Variants in DENR observed in about 807,000 individuals in gnomAD.
DENR encodes the protein density regulated re-initiation and release factor.
DENR carries 6 observed loss-of-function variants against 30.6 expected under a neutral mutation model. That is an observed-to-expected ratio of 0.20 (90% CI 0.11 to 0.39). The LOEUF (loss-of-function observed/expected upper bound fraction) is 0.39, where lower values mean the gene tolerates loss of function less well. Ranked by LOEUF, DENR falls within the 10% of genes least tolerant of loss-of-function variation. DENR has a pLI of 1.00. For synonymous variants in DENR, 78 were observed against 72.1 expected (o/e 1.08, Z -0.41); for missense variants, 141 against 230.9 (o/e 0.61, Z 2.52).
chr12:122,755,649 A>G (rs1260421688), intron 2 of DENR, among the ~76,000 whole-genome samples: 3 of 152,228 alleles, frequency 2.0e-5, no homozygotes, highest in Non-Finnish European at 4.4e-5. Context: ...CTCAGAATAT[A>G]GATTCCTATT....
At chr12:122,761,226 A>G (rs1878691478) in intron 2 of DENR, among the ~76,000 whole-genome samples, 1 of 151,846 alleles carries the variant, frequency 6.6e-6, no homozygotes, top group Non-Finnish European at 1.5e-5. Flanking sequence ...AGTCTGGCCA[A>G]CATGGTGAAA....
chr12:122,769,393 CTTG>C lies in DENR; in HGVS notation c.*318_*320del. Reference sequence around the variant, plus strand: ...ATTTTCACTGTTCTGTACAAGGCTGCTTGTTTTTTTATTGCCAAAGTCAAATAA... The same window carrying C: ...ATTTTCACTGTTCTGTACAAGGCTGCTTTTTTTATTGCCAAAGTCAAATAA... On this transcript the variant is annotated 3_prime_UTR_variant, in exon 8 of 8. Transcript: ENST00000280557. The C allele has an allele frequency of 1.0e-6, 1 of 987,970 alleles. No homozygotes were observed. The highest frequency in any genetic ancestry group is 1.2e-6 in the Non-Finnish European group (1 of 831,744). The allele number at this position is 987,970 out of a possible 1,614,324, so 61.2% of individuals were successfully genotyped here. A position where few individuals can be genotyped will look rare whatever the true frequency, so the allele number is the denominator to read the frequency against.
chr12:122,768,709 A>G (rs1878914712), intron 6 of DENR, 73 bp from the exon 7 acceptor site: 1 of 1,345,326 alleles, frequency 7.4e-7, no homozygotes, highest in Non-Finnish European at 1.0e-6. Context: ...ATGCAGATTA[A>G]ATTTCAAAAT....
chr12:122,764,179 G>A (rs1878781979), intron 4 of DENR, among the ~76,000 whole-genome samples: 3 of 152,128 alleles, frequency 2.0e-5, no homozygotes, highest in East Asian at 3.9e-4. Context: ...AGACCACAAC[G>A]GGTAGGGCAT....
chr12:122,762,277 ATTTT>A, intron 3 of DENR, 71 bp downstream of exon 3: 4 of 1,022,234 alleles, frequency 3.9e-6, no homozygotes, highest in Non-Finnish European at 5.6e-6. Context: ...TACCTTGAGA[ATTTT>A]TTTTTATTTT....
rs1209899640 is a variant in DENR, at chr12:122,769,232, GTGTA to G, written c.*160_*163del. On this transcript the variant is annotated 3_prime_UTR_variant, in exon 8 of 8. Coordinates refer to ENST00000280557, the MANE Select transcript of DENR (RefSeq NM_003677.5). Reference sequence around the variant, plus strand: ...CATATACACATGTATATATACATGTGTGTATGTATACATGTATATATATATACAT... The same window carrying G: ...CATATACACATGTATATATACATGTGTGTATACATGTATATATATATACAT... The G allele has an allele frequency of 5.5e-6, 4 of 733,204 alleles. No individual in the cohort carries two copies. Among genetic ancestry groups the G allele is most frequent in the Non-Finnish European group, 6.7e-6 (4 of 595,434 alleles). The allele number at this position is 733,204 out of a possible 1,614,324, so 45.4% of individuals were successfully genotyped here. A position where few individuals can be genotyped will look rare whatever the true frequency, so the allele number is the denominator to read the frequency against.
intron 3 of DENR, 137 bp from the exon 4 acceptor site, chr12:122,762,708 T>A (rs1367422087): frequency 1.6e-6 from 1 of 644,586 alleles, no homozygotes; most frequent in African/African-American, 1.9e-5. Flanking sequence ...AATACAGATT[T>A]CCTGTGGATA....
rs1879017227 is a variant in DENR at position 122,770,789 on chromosome 12, A to T, written c.*1711A>T. The T allele has an allele frequency of 5.0e-6, 2 of 398,246 alleles. No homozygotes were observed. Among genetic ancestry groups the T allele is most frequent in the South Asian group, 2.6e-4 (2 of 7,838 alleles). The allele number at this position is 398,246 out of a possible 1,614,324, so 24.7% of individuals were successfully genotyped here. On this transcript the variant is annotated 3_prime_UTR_variant, in exon 8 of 8. Transcript: ENST00000280557. ...TAAAGTATTAGAAAAATGTGTAGTA[A>T]AGATGTAAAATTAAAAAATGGAATT...
chr12:122,769,445 A>G lies in DENR; in HGVS notation c.*367A>G, dbSNP rs965734023. On this transcript the variant is annotated 3_prime_UTR_variant, in exon 8 of 8. Coordinates refer to ENST00000280557, the MANE Select transcript of DENR (RefSeq NM_003677.5). ...AAACGGGAGACTGTCATGCTCATGC[A>G]TGAATAGAATTTAGTCAAATAAAAA... The G allele has an allele frequency of 4.1e-6, 4 of 987,252 alleles. No individual in the cohort carries two copies. In the African/African-American group the frequency reaches 5.3e-5, roughly 13 times the overall value. 61.2% of individuals were successfully genotyped at this position (987,252 alleles called of 1,614,324 possible). A position where few individuals can be genotyped will look rare whatever the true frequency, so the allele number is the denominator to read the frequency against.
intron 5 of DENR, among the ~76,000 whole-genome samples, chr12:122,765,785 T>G (rs1328163814): frequency 6.6e-6 from 1 of 152,176 alleles, no homozygotes; most frequent in Non-Finnish European, 1.5e-5. Context: ...ACATGCTTAT[T>G]TGCCCTGTTT....
At chr12:122,764,495 G>A (rs1878793656) in intron 4 of DENR, among the ~76,000 whole-genome samples, 1 of 152,162 alleles carries the variant, frequency 6.6e-6, no homozygotes, top group Admixed American at 6.6e-5. Flanking sequence ...GCTACTTTGG[G>A]AGGCTGAGGC....
chr12:122,768,671 C>A, intron 6 of DENR, 111 bp from the exon 7 acceptor site: 1 of 951,100 alleles, frequency 1.1e-6, no homozygotes, highest in Non-Finnish European at 1.5e-6. Flanking sequence ...ATATAAAACC[C>A]ATTAACAATC....
chr12:122,766,501 C>A (rs1436546672), intron 5 of DENR, among the ~76,000 whole-genome samples: 1 of 152,128 alleles, frequency 6.6e-6, no homozygotes, highest in Admixed American at 6.6e-5. Flanking sequence ...TTAAAATTCC[C>A]AAATCTGTAT....
chr12:122,770,791 G>T lies in DENR; in HGVS notation c.*1713G>T, dbSNP rs1879017301. The T allele has an allele frequency of 1.3e-5, 5 of 398,054 alleles. No homozygotes were observed. The highest frequency in any genetic ancestry group is 1.8e-5 in the Non-Finnish European group (4 of 225,928). 24.7% of individuals were successfully genotyped at this position (398,054 alleles called of 1,614,324 possible). A position where few individuals can be genotyped will look rare whatever the true frequency, so the allele number is the denominator to read the frequency against. On this transcript the variant is annotated 3_prime_UTR_variant, in exon 8 of 8. Transcript: ENST00000280557. ...AAGTATTAGAAAAATGTGTAGTAAA[G>T]ATGTAAAATTAAAAAATGGAATTCT...
Position 122,769,292 on chromosome 12 carries a change from A to C in DENR, c.*214A>C, listed in dbSNP as rs1298117457. 1.3e-6 allele frequency: 1 copy of C among 746,850 alleles called. No individual in the cohort carries two copies. The highest frequency in any genetic ancestry group is 1.6e-6 in the Non-Finnish European group (1 of 636,588). 46.3% of individuals were successfully genotyped at this position (746,850 alleles called of 1,614,324 possible). On this transcript the variant is annotated 3_prime_UTR_variant, in exon 8 of 8. Transcript: ENST00000280557. ...TATATGTATACATATATACACATAT[A>C]TGTATACATATATACACATATGTAT... is the stretch of plus-strand genomic sequence containing the variant.
At chr12:122,758,298 C>A (rs1645227974) in intron 2 of DENR, among the ~76,000 whole-genome samples, 1 of 152,174 alleles carries the variant, frequency 6.6e-6, no homozygotes, top group African/African-American at 2.4e-5. Context: ...TCTTGAACTC[C>A]TGACCTTGTG....
chr12:122,761,354 G>C (rs1878694217), intron 2 of DENR, among the ~76,000 whole-genome samples: 1 of 152,154 alleles, frequency 6.6e-6, no homozygotes, highest in Non-Finnish European at 1.5e-5. Flanking sequence ...AGAAGTTGCA[G>C]TGAGCCGAGA....
At chr12:122,757,781 G>A (rs1878588156) in intron 2 of DENR, among the ~76,000 whole-genome samples, 1 of 152,220 alleles carries the variant, frequency 6.6e-6, no homozygotes. Flanking sequence ...GAAGTGATGT[G>A]ATTGGTTATA....
At chr12:122,758,045 G>C (rs191143840) in intron 2 of DENR, among the ~76,000 whole-genome samples, 1 of 152,238 alleles carries the variant, frequency 6.6e-6, no homozygotes, top group East Asian at 1.9e-4. Context: ...GATTGTGGCT[G>C]TTCATTCTCT....
Sources: gnomAD v4.1 joint callset for allele counts (sites outside exome capture counted in the v4.1 genomes callset) on GRCh38, gnomAD v4.1.1 for gene constraint, MANE v1.5 for transcripts, NCBI Gene and HGNC (gene_info 2026-07-23, HGNC 2026-07-21) for gene names.